The following RAI2 variants were observed in gnomAD, a reference collection of about 807,000 sequenced individuals.
The protein encoded by RAI2 is retinoic acid induced 2.
RAI2 carries 5 observed loss-of-function variants against 15.3 expected under a neutral mutation model. That is an observed-to-expected ratio of 0.33 (90% confidence interval 0.17 to 0.69). RAI2 has a LOEUF of 0.69. RAI2 is among the 30% of genes least tolerant of loss of function. RAI2 has a pLI of 0.69. For missense variants in RAI2, 424 were observed against 424.7 expected (o/e 1.00, Z 0.01); for synonymous variants, 191 against 184.0 (o/e 1.04, Z -0.31).
At chrX:17,854,602 C>A (rs1270675678) in intron 1 of RAI2, among the ~76,000 whole-genome samples, 1 of 111,618 alleles carries the variant, frequency 9.0e-6, no homozygotes, top group African/African-American at 3.3e-5. Flanking sequence ...GGAAAAGTGG[C>A]CATACACACA....
chrX:17,845,396 C>A (rs893294419), intron 1 of RAI2, among the ~76,000 whole-genome samples: 4 of 112,707 alleles, frequency 3.5e-5, no homozygotes, highest in Admixed American at 2.8e-4. Context: ...GGTGCCACCA[C>A]GAGAATAAAC....
chrX:17,827,339 T>C (rs2067238251), intron 1 of RAI2, among the ~76,000 whole-genome samples: 1 of 111,939 alleles, frequency 8.9e-6, no homozygotes, highest in African/African-American at 3.2e-5. Flanking sequence ...AGGGTAGGGG[T>C]GGGGCCTTGT....
intron 1 of RAI2, among the ~76,000 whole-genome samples, chrX:17,843,259 T>C (rs1396116043): frequency 1.8e-5 from 2 of 111,984 alleles, no homozygotes; most frequent in African/African-American, 3.2e-5. Flanking sequence ...TGAGCTGTGT[T>C]GCGACAGTGC....
chrX:17,818,210 C>T (rs1011962490), intron 1 of RAI2, among the ~76,000 whole-genome samples: 1 of 112,507 alleles, frequency 8.9e-6, no homozygotes, highest in African/African-American at 3.2e-5. Context: ...CCTCCCACCC[C>T]CTAAACCAAG....
rs201298989 is a variant in RAI2 at position 17,801,588 on chromosome X, C to A, written c.423G>T (p.Pro141=). ...TACTGGAGGAGCATGGGGCCTCCTG[C>A]GGCAGGACCAGAGGGGAGTTGAGGT... ...FQHLNSPLVL[P]QEAPCSSSTI... is the part of the protein sequence containing the mutation. The change falls in exon 2 of 2, where the codon CCG becomes CCT. Residue 141 remains proline, a synonymous_variant. Coordinates refer to ENST00000451717, the MANE Select transcript of RAI2 (RefSeq NM_021785.6). The A allele has an allele frequency of 8.3e-7, 1 of 1,209,116 alleles. No homozygotes were observed. Among genetic ancestry groups the A allele is most frequent in the Non-Finnish European group, 1.1e-6 (1 of 894,240 alleles).
At position 17,801,421 on chromosome X, in the gene RAI2, G is replaced by A; in HGVS notation, c.590C>T (p.Thr197Ile). The change falls in exon 2 of 2, where the codon ACT becomes ATT. Residue 197 changes from threonine to isoleucine, a missense_variant. Physicochemically the swap from Thr to Ile is moderately conservative, Grantham distance 89 (BLOSUM62 -1). Coordinates refer to ENST00000451717, the MANE Select transcript of RAI2 (RefSeq NM_021785.6). Reference protein sequence around the residue: ...VLQNLFPSQGTLGPPPCQPPP... With the variant: ...VLQNLFPSQGILGPPPCQPPP... ...AGGCTGACAGGGTGGGGGCCCGAGA[G>A]TGCCCTGGGAGGGAAACAAATTCTG... The A allele has an allele frequency of 1.7e-6, 2 of 1,157,648 alleles. No individual in the cohort carries two copies. Among genetic ancestry groups the A allele is most frequent in the Non-Finnish European group, 2.3e-6 (2 of 869,300 alleles).
At chrX:17,814,796 A>G (rs1285985274) in intron 1 of RAI2, among the ~76,000 whole-genome samples, 1 of 110,992 alleles carries the variant, frequency 9.0e-6, no homozygotes, top group Non-Finnish European at 1.9e-5. Flanking sequence ...TCTTTGAATC[A>G]TATTTGTGCT....
At chrX:17,809,458 G>C (rs1352109615) in intron 1 of RAI2, among the ~76,000 whole-genome samples, 2 of 111,419 alleles carry the variant, frequency 1.8e-5, no homozygotes, top group African/African-American at 6.5e-5. Flanking sequence ...AGTGAGAGGA[G>C]GTAAGGTCAT....
At position 17,801,694 on chromosome X, in the gene RAI2, G is replaced by A. The variant is rs759826736; in HGVS notation, c.317C>T (p.Pro106Leu). 1.7e-5 allele frequency: 20 copies of A among 1,210,143 alleles called. No homozygotes were observed. The highest frequency in any genetic ancestry group is 8.9e-5 in the East Asian group (3 of 33,730). Residue 106 changes from proline (P) to leucine (L), a missense_variant, in exon 2 of 2, where the codon CCG becomes CTG. Physicochemically the swap from Pro to Leu is moderately conservative, Grantham distance 98. Transcript: ENST00000451717. The part of the protein sequence containing the change: ...VEGSSAPELN[P>L]NGNATYVMTT... ...CATGACGTAGGTGGCATTGCCATTC[G>A]GATTGAGCTCTGGTGCGGAGCTTCC...
At chrX:17,823,350 C>T (rs771240736) in intron 1 of RAI2, among the ~76,000 whole-genome samples, 5 of 111,858 alleles carry the variant, frequency 4.5e-5, no homozygotes, top group Admixed American at 9.5e-5. Context: ...ATAAATAAGG[C>T]GAGGATTATA....
chrX:17,842,680 G>A (rs1412543351), intron 1 of RAI2, among the ~76,000 whole-genome samples: 4 of 107,987 alleles, frequency 3.7e-5, no homozygotes, highest in African/African-American at 1.3e-4. Flanking sequence ...AAAAGACTGT[G>A]AGGACATGAA....
chrX:17,859,569 T>C (rs2067661145), intron 1 of RAI2, among the ~76,000 whole-genome samples: 1 of 112,923 alleles, frequency 8.9e-6, no homozygotes, highest in East Asian at 2.8e-4. Context: ...CATATCTATT[T>C]ATCATCGCTG....
chrX:17,834,224 T>A (rs2067310667), intron 1 of RAI2, among the ~76,000 whole-genome samples: 2 of 111,769 alleles, frequency 1.8e-5, no homozygotes, highest in South Asian at 7.5e-4. Flanking sequence ...GTTGTTATTT[T>A]AAAAGACTTT....
chrX:17,812,113 G>A (rs1249657649), intron 1 of RAI2, among the ~76,000 whole-genome samples: 1 of 111,585 alleles, frequency 9.0e-6, no homozygotes, highest in Non-Finnish European at 1.9e-5. Context: ...TGTCGATACA[G>A]TCTTCATCTT....
chrX:17,858,168 T>C (rs1284589544), intron 1 of RAI2, among the ~76,000 whole-genome samples: 2 of 111,498 alleles, frequency 1.8e-5, no homozygotes, highest in Admixed American at 1.9e-4. Context: ...TTCAGACAGG[T>C]TAAGAGAAAT....
chrX:17,839,593 T>C, intron 1 of RAI2, among the ~76,000 whole-genome samples: 1 of 112,607 alleles, frequency 8.9e-6, no homozygotes, highest in Non-Finnish European at 1.9e-5. Context: ...CTGTTGACCA[T>C]CTGGACCTTC....
rs758035029 is a variant in RAI2 at position 17,801,464 on chromosome X, G to A, written c.547C>T (p.Pro183Ser). Residue 183 changes from proline (P) to serine (S), a missense_variant, in exon 2 of 2, where the codon CCA (proline) becomes TCA (serine). By Grantham distance (74) the Pro-to-Ser change is moderately conservative. Coordinates refer to ENST00000451717, the MANE Select transcript of RAI2 (RefSeq NM_021785.6). ...IPSQPQEPTL[P>S]FEAVLQNLFP... ...AAATTCTGGAGCACAGCTTCAAATG[G>A]CAAAGTGGGCTCCTGCGGCTGGCTG... is the stretch of plus-strand genomic sequence containing the variant. 4.1e-5 allele frequency: 48 copies of A among 1,167,074 alleles called. No homozygotes were observed. The highest frequency in any genetic ancestry group is 5.4e-5 in the Non-Finnish European group (47 of 874,786).
intron 1 of RAI2, among the ~76,000 whole-genome samples, chrX:17,847,812 GT>G (rs1249958715): frequency 1.8e-5 from 2 of 112,163 alleles, no homozygotes; most frequent in African/African-American, 3.2e-5. Context: ...TTAACAGCGG[GT>G]TTGGCTGACT....
At chrX:17,847,245 C>A (rs890307447) in intron 1 of RAI2, among the ~76,000 whole-genome samples, 1 of 112,421 alleles carries the variant, frequency 8.9e-6, no homozygotes, top group African/African-American at 3.2e-5. Context: ...CCATCCGCTG[C>A]ACTCCTCTAC....
Sources: allele counts gnomAD v4.1 joint callset (sites outside exome capture counted in the v4.1 genomes callset), GRCh38; gene constraint gnomAD v4.1.1; transcripts MANE v1.5; gene names NCBI Gene and HGNC (gene_info 2026-07-23, HGNC 2026-07-21).